The following HS6ST2 variants were observed in gnomAD, a reference collection of about 807,000 sequenced individuals.
HS6ST2 encodes heparan sulfate 6-O-sulfotransferase 2.
A neutral mutation model predicts 33.0 loss-of-function variants in HS6ST2; 17 were observed. That is an observed-to-expected ratio of 0.52 (90% CI 0.35 to 0.77). The LOEUF (loss-of-function observed/expected upper bound fraction) is 0.77. Ranked by LOEUF, HS6ST2 falls within the 30% of genes least tolerant of loss-of-function variation. HS6ST2 has a pLI of 0.01. For missense variants in HS6ST2, 519 were observed against 551.7 expected (o/e 0.94, Z 0.59); for synonymous variants, 248 against 237.1 (o/e 1.05, Z -0.42).
At chrX:132,637,744 A>T (rs1279940641) in intron 4 of HS6ST2, among the ~76,000 whole-genome samples, 39 of 79,436 alleles carry the variant, frequency 4.9e-4, no homozygotes, top group East Asian at 1.1e-3. Context: ...TATATATATA[A>T]AAAATATATA....
chrX:132,913,129 A>G (rs5977782), intron 2 of HS6ST2, among the ~76,000 whole-genome samples: 150 of 111,171 alleles, frequency 1.3e-3, no homozygotes, highest in African/African-American at 4.6e-3. Flanking sequence ...CTGCCATGCA[A>G]TAAAACTCTC....
At chrX:132,806,889 T>A (rs2065288942) in intron 2 of HS6ST2, among the ~76,000 whole-genome samples, 1 of 109,042 alleles carries the variant, frequency 9.2e-6, no homozygotes, top group Non-Finnish European at 1.9e-5. Flanking sequence ...GACATATGAG[T>A]TCATGGTATC....
Position 132,913,196 on chromosome X carries a change from A to C in HS6ST2, c.947+43612T>G, listed in dbSNP as rs746695889. Among the ~76,000 whole-genome samples, 14 of 111,251 alleles carry C rather than the reference A, an allele frequency of 1.3e-4. No homozygotes were observed. In the South Asian group the frequency reaches 5.4e-3, roughly 43 times the overall value. ...CTTCTTGGATGTGGGACAAGAACTC[A>C]GAACCTGCCAAACGTGGGTACAAAG... On this transcript the variant is annotated intron_variant, in intron 2 of 4. Coordinates refer to ENST00000370833, the MANE Select transcript of HS6ST2 (RefSeq NM_001394073.1).
chrX:132,850,731 T>TACAC (rs111520127), intron 2 of HS6ST2, among the ~76,000 whole-genome samples: 3 of 105,948 alleles, frequency 2.8e-5, no homozygotes, highest in African/African-American at 6.9e-5. Context: ...TTTCTACATC[T>TACAC]ACACACACAC....
chrX:132,769,370 A>C (rs1004047532), intron 2 of HS6ST2, among the ~76,000 whole-genome samples: 1 of 112,165 alleles, frequency 8.9e-6, no homozygotes, highest in African/African-American at 3.2e-5. Context: ...ATTTGTCCTC[A>C]TTCTTTTGAA....
intron 4 of HS6ST2, among the ~76,000 whole-genome samples, chrX:132,637,888 T>G (rs868437257): frequency 1.8e-5 from 1 of 56,435 alleles, no homozygotes; most frequent in African/African-American, 1.1e-4. Flanking sequence ...ATATATATAA[T>G]ATTTTATATA....
intron 4 of HS6ST2, among the ~76,000 whole-genome samples, chrX:132,641,445 C>A (rs1314590108): frequency 8.9e-6 from 1 of 112,730 alleles, no homozygotes; most frequent in African/African-American, 3.2e-5. Flanking sequence ...CCACACCCAG[C>A]AATATTTGGT....
At chrX:132,681,974 T>C (rs1444456434) in intron 3 of HS6ST2, among the ~76,000 whole-genome samples, 1 of 111,926 alleles carries the variant, frequency 8.9e-6, no homozygotes. Flanking sequence ...ACATGAAAGG[T>C]AGAAATCATG....
intron 2 of HS6ST2, among the ~76,000 whole-genome samples, chrX:132,930,103 C>G (rs1292971342): frequency 9.0e-6 from 1 of 111,283 alleles, no homozygotes; most frequent in African/African-American, 3.3e-5. Context: ...GCAAGTAGCC[C>G]ATTCTGGGAA....
intron 2 of HS6ST2, among the ~76,000 whole-genome samples, chrX:132,869,493 T>C: frequency 1.8e-5 from 2 of 112,038 alleles, no homozygotes; most frequent in Middle Eastern, 4.6e-3. Context: ...ATATCCTTTA[T>C]GAACATTGAC....
chrX:132,931,350 A>G, intron 2 of HS6ST2, among the ~76,000 whole-genome samples: 1 of 111,912 alleles, frequency 8.9e-6, no homozygotes, highest in Admixed American at 9.5e-5. Flanking sequence ...ACTCCAGGCA[A>G]GCATGGCCAA....
chrX:132,637,785 ATT>A (rs1285805433), intron 4 of HS6ST2, among the ~76,000 whole-genome samples: 2 of 60,794 alleles, frequency 3.3e-5, no homozygotes, highest in Non-Finnish European at 5.4e-5. Context: ...TATATATAAT[ATT>A]TTATATATAT....
At chrX:132,901,565 C>A (rs1164621270) in intron 2 of HS6ST2, among the ~76,000 whole-genome samples, 1 of 111,452 alleles carries the variant, frequency 9.0e-6, no homozygotes, top group Non-Finnish European at 1.9e-5. Context: ...AATATAAAGT[C>A]CCTGCCTGGA....
At chrX:132,772,090 T>C (rs761076146) in intron 2 of HS6ST2, among the ~76,000 whole-genome samples, 12 of 112,042 alleles carry the variant, frequency 1.1e-4, no homozygotes, top group African/African-American at 3.6e-4. Context: ...TACATTCTTA[T>C]AATTATTATA....
intron 4 of HS6ST2, among the ~76,000 whole-genome samples, chrX:132,665,204 G>T (rs1252903698): frequency 8.9e-6 from 1 of 111,967 alleles, no homozygotes; most frequent in Non-Finnish European, 1.9e-5. Context: ...ACAGTAGCTG[G>T]CAGAGCCCAC....
chrX:132,893,935 T>C (rs1239494275), intron 2 of HS6ST2, among the ~76,000 whole-genome samples: 2 of 111,015 alleles, frequency 1.8e-5, no homozygotes, highest in East Asian at 5.7e-4. Context: ...AGGAGCTTCA[T>C]CCAGAGCTCA....
intron 2 of HS6ST2, among the ~76,000 whole-genome samples, chrX:132,857,839 G>A (rs2065868706): frequency 1.8e-5 from 2 of 112,128 alleles, no homozygotes; most frequent in African/African-American, 6.5e-5. Context: ...TTGAAGGAAG[G>A]GAGGAAAGGT....
intron 3 of HS6ST2, among the ~76,000 whole-genome samples, chrX:132,688,581 T>C (rs955629050): frequency 9.0e-6 from 1 of 110,986 alleles, no homozygotes; most frequent in Non-Finnish European, 1.9e-5. Flanking sequence ...AAAAGCCCCT[T>C]ATGAAACCAT....
At chrX:132,790,454 A>G (rs1448112371) in intron 2 of HS6ST2, among the ~76,000 whole-genome samples, 1 of 112,084 alleles carries the variant, frequency 8.9e-6, no homozygotes, top group African/African-American at 3.2e-5. Flanking sequence ...CATGTGACTC[A>G]CTGTTTTGCA....
Sources: allele counts gnomAD v4.1 joint callset (sites outside exome capture counted in the v4.1 genomes callset), GRCh38; gene constraint gnomAD v4.1.1; transcripts MANE v1.5; gene names NCBI Gene and HGNC (gene_info 2026-07-23, HGNC 2026-07-21).